C5: variants seen among roughly 807,000 people sequenced by gnomAD.
C5 encodes complement C5.
C5 carries 140 observed loss-of-function variants against 218.8 expected under a neutral mutation model. The ratio of observed to expected loss-of-function variants is 0.64; its 90% confidence interval spans 0.56 to 0.74. The LOEUF (loss-of-function observed/expected upper bound fraction) is 0.74. Ranked by LOEUF, C5 falls within the 30% of genes least tolerant of loss-of-function variation. The pLI, the probability that C5 is intolerant of heterozygous loss-of-function variation, is 0.00. For missense variants in C5, 1,700 were observed against 1,969.6 expected (o/e 0.86, Z 2.59); for synonymous variants, 614 against 682.3 (o/e 0.90, Z 1.56).
At position 121,048,866 on chromosome 9, in the gene C5, G is replaced by T. The variant is rs185917509; in HGVS notation, c.65+1316C>A. 4.1e-3 allele frequency among the ~76,000 whole-genome samples: 623 copies of T among 152,294 alleles called. 3 individuals carry two copies. The highest frequency in any genetic ancestry group is 0.014 in the African/African-American group (592 of 41,566). On this transcript the variant is annotated intron_variant, in intron 1 of 40. Coordinates refer to ENST00000223642, the MANE Select transcript of C5 (RefSeq NM_001735.3). Reference sequence around the variant, plus strand: ...TCCTCACTTCCTTCAGGCTCTGTTTGAGTGCAGCCTCCTTAAGAGAACCTT... The same window carrying T: ...TCCTCACTTCCTTCAGGCTCTGTTTTAGTGCAGCCTCCTTAAGAGAACCTT...
intron 1 of C5, among the ~76,000 whole-genome samples, chr9:121,047,847 G>A (rs903253831): frequency 4.0e-4 from 60 of 148,412 alleles, no homozygotes; most frequent in African/African-American, 1.5e-3. Flanking sequence ...GAAAATGAGA[G>A]GAGTTCAGTT....
intron 30 of C5, among the ~76,000 whole-genome samples, chr9:120,972,974 C>T (rs2046925950): frequency 6.6e-6 from 1 of 152,108 alleles, no homozygotes. Context: ...TGCACTGTGC[C>T]CTGCCTCTGC....
upstream of C5, among the ~76,000 whole-genome samples, chr9:121,051,078 G>C (rs1415223351): frequency 1.3e-5 from 2 of 151,206 alleles, no homozygotes; most frequent in Non-Finnish European, 2.9e-5. Flanking sequence ...TATAACAATT[G>C]AGTCTAGTAA....
rs41311865 is a variant in C5, at chr9:120,991,936, A to G, written c.2852-656T>C. ...TATTTTCATTAGTTTAATTTTATAG[A>G]TGAGGAAATTGAGGCTTAGAAAGTA... On this transcript the variant is annotated intron_variant, in intron 22 of 40. Transcript: ENST00000223642. 8.3e-3 allele frequency among the ~76,000 whole-genome samples: 1,266 copies of G among 152,338 alleles called. 13 individuals are homozygous for G. Among genetic ancestry groups the G allele is most frequent in the African/African-American group, 0.029 (1,192 of 41,578 alleles).
the C5 span, among the ~76,000 whole-genome samples, chr9:121,057,170 G>A: frequency 6.6e-6 from 1 of 152,080 alleles, no homozygotes; most frequent in Non-Finnish European, 1.5e-5. Flanking sequence ...ACAAACAAAA[G>A]CTGGGGAATA....
At chr9:121,021,758 G>T in intron 10 of C5, 64 bp from the exon 11 acceptor site, 1 of 1,374,714 alleles carries the variant, frequency 7.3e-7, no homozygotes, top group Non-Finnish European at 1.0e-6. Context: ...GCACAATTCT[G>T]AAATAATTTT....
chr9:121,053,643 G>C (rs1299445786), upstream of C5, among the ~76,000 whole-genome samples: 1 of 152,172 alleles, frequency 6.6e-6, no homozygotes, highest in Non-Finnish European at 1.5e-5. Flanking sequence ...GTGGGGGTAG[G>C]GGGGAAGATC....
chr9:120,962,045 TG>T (rs1237342527), intron 36 of C5, among the ~76,000 whole-genome samples: 1 of 152,204 alleles, frequency 6.6e-6, no homozygotes, highest in Non-Finnish European at 1.5e-5. Context: ...CAAGTAGAAC[TG>T]CCCAAGGTGG....
intron 33 of C5, among the ~76,000 whole-genome samples, chr9:120,965,970 TTTTTC>T (rs1299989747): frequency 6.6e-6 from 1 of 152,194 alleles, no homozygotes; most frequent in African/African-American, 2.4e-5. Flanking sequence ...ATGAAATCCT[TTTTTC>T]TTTTCTTAGG....
At chr9:121,071,988 G>A in the C5 span, among the ~76,000 whole-genome samples, 77 of 152,216 alleles carry the variant, frequency 5.1e-4, no homozygotes, top group Middle Eastern at 0.01. Context: ...AGTTGTCTGC[G>A]TTACTTTCGT....
intron 23 of C5, among the ~76,000 whole-genome samples, chr9:120,990,222 A>AC (rs2047067195): frequency 1.3e-5 from 2 of 152,210 alleles, no homozygotes; most frequent in Non-Finnish European, 1.5e-5. Flanking sequence ...GTTGCACATG[A>AC]TCAAAAAGAT....
In C5 at chr9:121,032,119, C is replaced by G; in HGVS notation, c.661G>C (p.Glu221Gln). The G allele has an allele frequency of 6.3e-7, 1 of 1,585,982 alleles. No homozygotes were observed. The highest frequency in any genetic ancestry group is 8.7e-7 in the Non-Finnish European group (1 of 1,154,864). The change falls in exon 6 of 41, where the codon GAA (glutamate) becomes CAA (glutamine). Residue 221 changes from glutamate (E) to glutamine (Q), a missense_variant. Physicochemically the swap from Glu to Gln is conservative, Grantham distance 29. Transcript: ENST00000223642. ...TTTACTTGTCAGAAATTACCATATTCTTTAACTTCAAAATATGCGGTTCCA... is the reference window on the plus strand; with the variant it reads ...TTTACTTGTCAGAAATTACCATATTGTTTAACTTCAAAATATGCGGTTCCA... ...TTGTAYFEVK[E>Q]YVLPHFSVSI...
the C5 span, among the ~76,000 whole-genome samples, chr9:121,056,427 T>G: frequency 6.6e-6 from 1 of 152,192 alleles, no homozygotes; most frequent in Non-Finnish European, 1.5e-5. Flanking sequence ...TTAAATCAAA[T>G]GGAAATTCTG....
intron 8 of C5, among the ~76,000 whole-genome samples, chr9:121,026,634 C>A (rs897856840): frequency 1.3e-5 from 2 of 152,070 alleles, no homozygotes; most frequent in African/African-American, 2.4e-5. Context: ...CTGGACATTG[C>A]CAAATGTCTC....
At chr9:121,042,487 G>A (rs921432015) in intron 3 of C5, among the ~76,000 whole-genome samples, 1 of 152,126 alleles carries the variant, frequency 6.6e-6, no homozygotes, top group African/African-American at 2.4e-5. Context: ...TTTCCAGTTT[G>A]GGGATTAGCT....
At chr9:121,057,855 A>C in the C5 span, among the ~76,000 whole-genome samples, 1 of 152,188 alleles carries the variant, frequency 6.6e-6, no homozygotes, top group Non-Finnish European at 1.5e-5. Context: ...GTCTCTTGTT[A>C]TGGCATTGAT....
Position 120,997,702 on chromosome 9 carries a change from T to G in C5, c.2635A>C (p.Lys879Gln). The change falls in exon 21 of 41, where the codon AAG (lysine) becomes CAG (glutamine). Residue 879 changes from lysine (K) to glutamine (Q), a missense_variant. By Grantham distance (53) the Lys-to-Gln change is moderately conservative (BLOSUM62 1). Coordinates refer to ENST00000223642, the MANE Select transcript of C5 (RefSeq NM_001735.3). ...ESPVIDHQGTKSSKCVRQKVE... is the reference protein window; with the variant it reads ...ESPVIDHQGTQSSKCVRQKVE... ...TTCTGGCGCACACATTTGGAGGACT[T>G]TGTGCCCTGATGATCAATGACTGGG... is the stretch of plus-strand genomic sequence containing the variant. The G allele has an allele frequency of 6.2e-7, 1 of 1,614,196 alleles. No homozygotes were observed. The highest frequency in any genetic ancestry group is 8.5e-7 in the Non-Finnish European group (1 of 1,180,024).
At chr9:121,066,874 A>C in the C5 span, among the ~76,000 whole-genome samples, 2 of 151,212 alleles carry the variant, frequency 1.3e-5, no homozygotes, top group African/African-American at 2.4e-5. Flanking sequence ...AAAAAAAAAA[A>C]AACAAAAACA....
chr9:121,002,012 T>G (rs1371364237), intron 20 of C5, among the ~76,000 whole-genome samples: 1 of 151,544 alleles, frequency 6.6e-6, no homozygotes, highest in East Asian at 1.9e-4. Context: ...ATACCCACCA[T>G]GTGAATTACT....
Sources: allele counts gnomAD v4.1 joint callset (sites outside exome capture counted in the v4.1 genomes callset), GRCh38; gene constraint gnomAD v4.1.1; transcripts MANE v1.5; gene names NCBI Gene and HGNC (gene_info 2026-07-23, HGNC 2026-07-21).